Variants in XPC observed in about 807,000 individuals in gnomAD.
The protein encoded by XPC is XPC complex subunit, DNA damage recognition and repair factor, also known as DNA repair protein complementing XP-C cells.
Under a neutral mutation model 95.8 loss-of-function variants are expected in XPC, and 76 were observed. The observed-to-expected ratio is 0.79, with a 90% confidence interval of 0.66 to 0.96. The LOEUF (loss-of-function observed/expected upper bound fraction) is 0.96. Among genes scored for constraint, XPC ranks in the 40% least tolerant of loss-of-function variants. The pLI, the probability that XPC is intolerant of heterozygous loss-of-function variation, is 0.00. For synonymous variants in XPC, 442 were observed against 442.1 expected (o/e 1.00, Z 0.00); for missense variants, 1,146 against 1,179.8 (o/e 0.97, Z 0.42).
At position 14,156,458 on chromosome 3, in the gene XPC, G is replaced by A. The variant is rs756184930; in HGVS notation, c.1910C>T (p.Ala637Val). ...AGGGTGGTTCTTATATAAGCCAATG[G>A]CAGTGGGCAAAGGCTGGTCCATGTG... The part of the protein sequence containing the change: ...AKHMDQPLPT[A>V]IGLYKNHPLY... Residue 637 changes from alanine to valine, a missense_variant, in exon 10 of 16, where the codon GCC becomes GTC. Transcript: ENST00000285021. 1 of 1,613,900 alleles carries A rather than the reference G, an allele frequency of 6.2e-7. No individual in the cohort carries two copies. Among genetic ancestry groups the A allele is most frequent in the Non-Finnish European group, 8.5e-7 (1 of 1,179,888 alleles).
intron 13 of XPC, 40 bp from the exon 14 acceptor site, chr3:14,148,041 G>C (rs777153713): frequency 6.7e-7 from 1 of 1,498,946 alleles, no homozygotes; most frequent in Non-Finnish European, 9.0e-7. Context: ...CGAACCTGCT[G>C]CCTGCTCTGC....
intron 7 of XPC, 170 bp from the exon 8 acceptor site, chr3:14,160,000 A>T: frequency 1.7e-6 from 1 of 573,446 alleles, no homozygotes; most frequent in East Asian, 3.0e-5. Context: ...GATGATGCAG[A>T]AGTTTATCTT....
intron 12 of XPC, 38 bp from the exon 13 acceptor site, chr3:14,148,769 G>T: frequency 6.2e-7 from 1 of 1,613,490 alleles, no homozygotes; most frequent in Non-Finnish European, 8.5e-7. Context: ...GGCCAGCAGG[G>T]GAACAAGGCG....
intron 10 of XPC, among the ~76,000 whole-genome samples, chr3:14,154,719 A>G (rs907531047): frequency 6.6e-6 from 1 of 152,132 alleles, no homozygotes; most frequent in Non-Finnish European, 1.5e-5. Flanking sequence ...GATGGTGGTG[A>G]TGGCTGGATG....
intron 1 of XPC, among the ~76,000 whole-genome samples, chr3:14,177,290 C>T (rs77917758): frequency 1.4e-3 from 218 of 152,074 alleles, no homozygotes; most frequent in African/African-American, 5.0e-3. Flanking sequence ...TAAAGTATGT[C>T]GGAGGATGTG....
intron 7 of XPC, among the ~76,000 whole-genome samples, chr3:14,160,221 A>G (rs2125028762): frequency 6.6e-6 from 1 of 152,246 alleles, no homozygotes; most frequent in South Asian, 2.1e-4. Context: ...TCTGTAGTCA[A>G]TATGTGTTGC....
At chr3:14,159,883 A>AC (rs1196628563) in intron 7 of XPC, 53 bp from the exon 8 acceptor site, 2 of 1,491,732 alleles carry the variant, frequency 1.3e-6, no homozygotes, top group African/African-American at 2.8e-5. Context: ...TAAAGATGTA[A>AC]TGAGTTCAAT....
At chr3:14,164,726 A>G (rs748536249) in intron 7 of XPC, 87 bp downstream of exon 7, 31 of 1,402,296 alleles carry the variant, frequency 2.2e-5, no homozygotes, top group Non-Finnish European at 2.9e-5. Context: ...TGTCGGTAAC[A>G]CACCTGGAAT....
At chr3:14,166,515 C>T (rs1696385110) in intron 5 of XPC, among the ~76,000 whole-genome samples, 1 of 150,580 alleles carries the variant, frequency 6.6e-6, no homozygotes, top group African/African-American at 2.4e-5. Context: ...CCTCCCTTCA[C>T]CCCCACCCCC....
At position 14,152,361 on chromosome 3, in the gene XPC, C is replaced by A. The variant is rs1315127557; in HGVS notation, c.2089G>T (p.Val697Leu). ...TTGTAGGGTACTTCTCCAAGCCTCA[C>A]CACTCTTGCTTTCTTCAGCCACGTG... ...RDTWLKKARVVRLGEVPYKMV... is the reference protein window; with the variant it reads ...RDTWLKKARVLRLGEVPYKMV... Residue 697 changes from valine to leucine, a missense_variant, in exon 11 of 16, where the codon GTG (valine) becomes TTG (leucine). Coordinates refer to ENST00000285021, the MANE Select transcript of XPC (RefSeq NM_004628.5). 1.9e-6 allele frequency: 3 copies of A among 1,613,372 alleles called. No homozygotes were observed. The highest frequency in any genetic ancestry group is 2.5e-6 in the Non-Finnish European group (3 of 1,179,658).
intron 10 of XPC, among the ~76,000 whole-genome samples, chr3:14,154,280 G>C (rs890441663): frequency 2.0e-5 from 3 of 152,122 alleles, no homozygotes; most frequent in Admixed American, 6.5e-5. Flanking sequence ...TAATTGTACT[G>C]GGTATATGCA....
At chr3:14,164,681 G>T in intron 7 of XPC, 132 bp downstream of exon 7, 1 of 897,276 alleles carries the variant, frequency 1.1e-6, no homozygotes, top group Non-Finnish European at 1.6e-6. Flanking sequence ...GGCTTCAGCA[G>T]CTATCAACGT....
chr3:14,147,889 G>C lies in XPC; in HGVS notation c.2514+19C>G. ...TGCTTCCCGCTTCTGCTGTCCCTCA[G>C]TCCTGCATATGCGCTTACCTCCTTC... On this transcript the variant is annotated intron_variant, in intron 14 of 15. Coordinates refer to ENST00000285021, the MANE Select transcript of XPC (RefSeq NM_004628.5). The C allele has an allele frequency of 6.3e-7, 1 of 1,581,222 alleles. No homozygotes were observed.
In XPC at chr3:14,158,085, C is replaced by G. The variant is rs1349055821; in HGVS notation, c.1798G>C (p.Ala600Pro). Reference sequence around the variant, plus strand: ...CTCAAGGTCTCGGCCCACCACTCAGCATCAACCCGGCACTTGCGGGTCACT... The same window carrying G: ...CTCAAGGTCTCGGCCCACCACTCAGGATCAACCCGGCACTTGCGGGTCACT... Reference protein sequence around the residue: ...MTVTRKCRVDAEWWAETLRPY... With the variant: ...MTVTRKCRVDPEWWAETLRPY... Residue 600 changes from alanine (A) to proline (P), a missense_variant, in exon 9 of 16, where the codon GCT becomes CCT. Coordinates refer to ENST00000285021, the MANE Select transcript of XPC (RefSeq NM_004628.5). The surrounding 1 kb of genome is among the most constrained non-coding windows in gnomAD (Gnocchi z 5.2). 1.9e-6 allele frequency: 3 copies of G among 1,613,890 alleles called. No homozygotes were observed. Among genetic ancestry groups the G allele is most frequent in the Non-Finnish European group, 2.5e-6 (3 of 1,179,894 alleles).
At chr3:14,148,986 C>T (rs765482377) in intron 11 of XPC, 38 bp from the exon 12 acceptor site, 6 of 1,610,138 alleles carry the variant, frequency 3.7e-6, no homozygotes, top group Non-Finnish European at 4.2e-6. Context: ...ACAACAAAGG[C>T]ATCCAGTTCC....
chr3:14,175,537 C>A (rs1284644916), intron 1 of XPC, among the ~76,000 whole-genome samples: 1 of 152,082 alleles, frequency 6.6e-6, no homozygotes, highest in East Asian at 1.9e-4. Flanking sequence ...TCAATATTAT[C>A]CTAGTACCTG....
chr3:14,155,540 C>T (rs1024930294), intron 10 of XPC, among the ~76,000 whole-genome samples: 1 of 152,060 alleles, frequency 6.6e-6, no homozygotes, highest in African/African-American at 2.4e-5. Context: ...AACACAGTCA[C>T]ATAAAATACA....
intron 7 of XPC, among the ~76,000 whole-genome samples, chr3:14,161,963 TACAAG>T (rs1696184316): frequency 1.3e-5 from 2 of 151,922 alleles, no homozygotes; most frequent in Non-Finnish European, 2.9e-5. Context: ...AGCTGCAGGG[TACAAG>T]ACAACACAAA....
chr3:14,176,654 AC>A (rs752396770), intron 1 of XPC, among the ~76,000 whole-genome samples: 13 of 152,260 alleles, frequency 8.5e-5, no homozygotes, highest in African/African-American at 1.7e-4. Flanking sequence ...ACGAATTATT[AC>A]CATTTCACTA....
Sources: gnomAD v4.1 joint callset for allele counts (sites outside exome capture counted in the v4.1 genomes callset) on GRCh38, gnomAD v4.1.1 for gene constraint, Gnocchi (gnomAD v3.1) non-coding constraint, MANE v1.5 for transcripts, NCBI Gene and HGNC (gene_info 2026-07-23, HGNC 2026-07-21) for gene names.